The following COPG2 variants were observed in gnomAD, a reference collection of about 807,000 sequenced individuals.
COPG2 encodes coatomer subunit gamma-2.
A neutral mutation model predicts 46.3 loss-of-function variants in COPG2; 37 were observed. The ratio of observed to expected loss-of-function variants is 0.80; its 90% CI spans 0.61 to 1.05. The LOEUF is 1.05. Among genes scored for constraint, COPG2 ranks in the 50% least tolerant of loss-of-function variants. COPG2 has a pLI of 0.00. For missense variants in COPG2, 427 were observed against 387.8 expected (o/e 1.10, Z -0.85); for synonymous variants, 159 against 129.7 (o/e 1.23, Z -1.53).
At chr7:130,561,816 G>A (rs914808945) in intron 11 of COPG2, among the ~76,000 whole-genome samples, 2 of 152,142 alleles carry the variant, frequency 1.3e-5, no homozygotes, top group African/African-American at 4.8e-5. Context: ...CCATTTAACA[G>A]CAAAACATGA....
intron 12 of COPG2, among the ~76,000 whole-genome samples, chr7:130,557,482 CT>C (rs1357388384): frequency 6.6e-6 from 1 of 152,018 alleles, no homozygotes; most frequent in African/African-American, 2.4e-5. Context: ...TTTTATGAAG[CT>C]AGACAACTTG....
intron 15 of COPG2, 102 bp from the exon 16 acceptor site, chr7:130,551,446 T>C (rs905671961): frequency 4.0e-4 from 156 of 394,102 alleles, no homozygotes; most frequent in African/African-American, 2.7e-3. Flanking sequence ...CATCTGATAC[T>C]ACCTTTAAAA....
chr7:130,590,402 C>T (rs1318547658), intron 9 of COPG2, among the ~76,000 whole-genome samples: 4 of 152,238 alleles, frequency 2.6e-5, no homozygotes, highest in Admixed American at 6.5e-5. Flanking sequence ...ACTGCAGGTG[C>T]GCGCCGCCAC....
chr7:130,565,695 A>G (rs1793791125), intron 9 of COPG2, among the ~76,000 whole-genome samples: 1 of 152,228 alleles, frequency 6.6e-6, no homozygotes, highest in African/African-American at 2.4e-5. Context: ...TTTAAAGGGA[A>G]GTACAACAAG....
In COPG2 at chr7:130,611,054, G is replaced by A; in HGVS notation, c.636C>T (p.Ser212=). 1.2e-6 allele frequency: 2 copies of A among 1,613,654 alleles called. No individual in the cohort carries two copies. The highest frequency in any genetic ancestry group is 1.1e-5 in the South Asian group (1 of 91,078). The change falls in exon 9 of 24, where the codon TCC becomes TCT. Residue 212 remains serine, a synonymous_variant. Transcript: ENST00000425248. ...HLRKNDRLAV[S]KMLNKFTKSG... Reference sequence around the variant, plus strand: ...ATTTAGTAAACTTATTCAACATCTTGGAAACAGCAAGTCGATCATTCTTTC... The same window carrying A: ...ATTTAGTAAACTTATTCAACATCTTAGAAACAGCAAGTCGATCATTCTTTC...
At position 130,668,696 on chromosome 7, in the gene COPG2, C is replaced by T. The variant is rs549446048; in HGVS notation, c.-28G>A. 10 of 1,521,912 alleles carry T rather than the reference C, an allele frequency of 6.6e-6. No individual in the cohort carries two copies. In the South Asian group the frequency reaches 1.1e-4, roughly 17 times the overall value. The allele number at this position is 1,521,912 out of a possible 1,614,324, so 94.3% of individuals were successfully genotyped here. On this transcript the variant is annotated 5_prime_UTR_variant, in exon 1 of 24. Transcript: ENST00000425248. ...TGGACGACTTCCCAGCGCCCAGACC[C>T]ACCGCAACCGTCCCAGGCGCCGCAG... is the stretch of plus-strand genomic sequence containing the variant.
chr7:130,514,759 GA>G (rs1799665207), intron 20 of COPG2, among the ~76,000 whole-genome samples: 2 of 152,190 alleles, frequency 1.3e-5, no homozygotes, highest in Admixed American at 1.3e-4. Context: ...AAGACATGAA[GA>G]GGGGTTAAAG....
chr7:130,552,121 G>A (rs1349875729), intron 15 of COPG2, among the ~76,000 whole-genome samples: 4 of 152,150 alleles, frequency 2.6e-5, no homozygotes, highest in African/African-American at 9.7e-5. Context: ...GTAGGCTATT[G>A]TGTAAACCAA....
In COPG2 at chr7:130,663,027, A is replaced by G. The variant is rs1299916394; in HGVS notation, c.183T>C (p.Phe61=). The change falls in exon 4 of 24, where the codon TTT becomes TTC. Residue 61 remains phenylalanine, a synonymous_variant. Transcript: ENST00000425248. Reference sequence around the variant, plus strand: ...AGGCTTCTGTAGCTTCCGTTGTTCCAAAGTGTTCACCCTAAGTAAAATTTA... The same window carrying G: ...AGGCTTCTGTAGCTTCCGTTGTTCCGAAGTGTTCACCCTAAGTAAAATTTA... ...ILYLLNQGEH[F]GTTEATEAFF... The G allele has an allele frequency of 2.0e-5, 31 of 1,540,282 alleles. No homozygotes were observed. The highest frequency in any genetic ancestry group is 2.6e-5 in the Non-Finnish European group (30 of 1,144,308).
At chr7:130,507,857 C>G in intron 21 of COPG2, 34 bp from the exon 22 acceptor site, 1 of 776,536 alleles carries the variant, frequency 1.3e-6, no homozygotes, top group Non-Finnish European at 2.4e-6. Context: ...AAAGAAAAGT[C>G]CTTTCTGTTA....
intron 5 of COPG2, among the ~76,000 whole-genome samples, chr7:130,626,588 C>T (rs1484842585): frequency 2.0e-5 from 3 of 152,060 alleles, no homozygotes; most frequent in African/African-American, 7.2e-5. Flanking sequence ...CGCTCCTGAA[C>T]GAAATCGGCC....
chr7:130,513,306 A>ATATATATATATATATAT (rs1262964518), intron 20 of COPG2, among the ~76,000 whole-genome samples: 1 of 49,020 alleles, frequency 2.0e-5, no homozygotes, highest in African/African-American at 8.9e-5. Flanking sequence ...AAAAAAAAAA[A>ATATATATATATATATAT]AAATATATAT....
At chr7:130,544,096 G>A (rs1793390260) in intron 20 of COPG2, among the ~76,000 whole-genome samples, 1 of 152,162 alleles carries the variant, frequency 6.6e-6, no homozygotes, top group Non-Finnish European at 1.5e-5. Context: ...TACCAATACT[G>A]CTTTTTTTAG....
chr7:130,586,131 C>G (rs1554447944), intron 9 of COPG2, among the ~76,000 whole-genome samples: 2 of 152,080 alleles, frequency 1.3e-5, no homozygotes, highest in Admixed American at 1.3e-4. Context: ...GAATACTACT[C>G]AGCCATAAAA....
intron 9 of COPG2, among the ~76,000 whole-genome samples, chr7:130,576,405 T>C (rs1294840838): frequency 5.3e-5 from 8 of 152,068 alleles, no homozygotes; most frequent in African/African-American, 1.9e-4. Context: ...GGAAATCAAC[T>C]CCAAAAGGAA....
At chr7:130,554,796 T>C in intron 13 of COPG2, 72 bp from the exon 14 acceptor site, 1 of 398,350 alleles carries the variant, frequency 2.5e-6, no homozygotes, top group Non-Finnish European at 4.4e-6. Context: ...CACTCCAAGG[T>C]TTATGCTTAT....
Position 130,590,310 on chromosome 7 carries a change from A to T in COPG2, c.737+20643T>A, listed in dbSNP as rs1331171969. Reference sequence around the variant, plus strand: ...ACGGTCTCCCTCTCATGCCGAGCCGAAGCTGGACTGTGCTGCTGCCATCTC... The same window carrying T: ...ACGGTCTCCCTCTCATGCCGAGCCGTAGCTGGACTGTGCTGCTGCCATCTC... On this transcript the variant is annotated intron_variant, in intron 9 of 23. Transcript: ENST00000425248. Among the ~76,000 whole-genome samples, 4 of 151,504 alleles carry T rather than the reference A, an allele frequency of 2.6e-5. No homozygotes were observed. In the East Asian group the frequency reaches 7.8e-4, roughly 30 times the overall value.
At chr7:130,617,863 G>A (rs1167431256) in intron 5 of COPG2, among the ~76,000 whole-genome samples, 3 of 152,060 alleles carry the variant, frequency 2.0e-5, no homozygotes, top group African/African-American at 7.2e-5. Context: ...CACTTTGGGA[G>A]GTCAAGGTGG....
intron 20 of COPG2, among the ~76,000 whole-genome samples, chr7:130,531,803 AG>A (rs1799828645): frequency 8.9e-6 from 1 of 112,908 alleles, no homozygotes; most frequent in South Asian, 3.0e-4. Flanking sequence ...CAGGGAGTCA[AG>A]GTGGCCGTCC....
Sources: gnomAD v4.1 joint callset for allele counts (sites outside exome capture counted in the v4.1 genomes callset) on GRCh38, gnomAD v4.1.1 for gene constraint, MANE v1.5 for transcripts, NCBI Gene and HGNC (gene_info 2026-07-23, HGNC 2026-07-21) for gene names.